Variants in EYS observed in about 807,000 individuals in gnomAD.
EYS encodes protein eyes shut homolog.
EYS carries 250 observed loss-of-function variants against 282.1 expected under a neutral mutation model. That is an observed-to-expected ratio of 0.89 (90% CI 0.80 to 0.98). EYS has a LOEUF of 0.98. EYS is among the 50% of genes least tolerant of loss of function. EYS has a pLI of 0.00. For synonymous variants in EYS, 1,355 were observed against 1,282.9 expected (o/e 1.06, Z -1.20); for missense variants, 4,016 against 3,709.0 (o/e 1.08, Z -2.15).
At chr6:64,007,004 A>C (rs1768381713) in intron 33 of EYS, among the ~76,000 whole-genome samples, 1 of 152,090 alleles carries the variant, frequency 6.6e-6, no homozygotes, top group Admixed American at 6.5e-5. Context: ...GATGATGCTT[A>C]ACTCATAGAA....
At chr6:65,013,501 G>C (rs190891263) in intron 13 of EYS, among the ~76,000 whole-genome samples, 64 of 152,148 alleles carry the variant, frequency 4.2e-4, no homozygotes, top group Non-Finnish European at 7.4e-4. Flanking sequence ...TTGCTAAAGA[G>C]TCATTATGTA....
chr6:65,271,128 T>TTATATATATATATA (rs70999188), intron 12 of EYS, among the ~76,000 whole-genome samples: 4,150 of 55,602 alleles, frequency 0.075, 548 homozygotes, highest in South Asian at 0.13. Context: ...AATCAATAGA[T>TTATATATATATATA]TATATATATA....
intron 26 of EYS, among the ~76,000 whole-genome samples, chr6:64,444,382 CACA>C (rs1775052878): frequency 2.0e-5 from 3 of 152,014 alleles, no homozygotes; most frequent in African/African-American, 4.8e-5. Flanking sequence ...TACCATTTTT[CACA>C]ACATTTCGAA....
chr6:65,045,239 C>CAAT (rs1773067893), intron 13 of EYS, among the ~76,000 whole-genome samples: 1 of 151,818 alleles, frequency 6.6e-6, no homozygotes, highest in Non-Finnish European at 1.5e-5. Flanking sequence ...ACACTCTGAT[C>CAAT]TTTGACAAAA....
At chr6:64,946,684 G>C (rs1769296443) in intron 14 of EYS, among the ~76,000 whole-genome samples, 1 of 151,842 alleles carries the variant, frequency 6.6e-6, no homozygotes. Context: ...CAATACAGTA[G>C]CCACATGTGG....
At chr6:63,877,846 T>G (rs1773018819) in intron 35 of EYS, among the ~76,000 whole-genome samples, 1 of 152,220 alleles carries the variant, frequency 6.6e-6, no homozygotes, top group Non-Finnish European at 1.5e-5. Flanking sequence ...TTCTCTACAC[T>G]GTTTATTCTA....
chr6:64,642,388 T>A (rs1384977272), intron 22 of EYS, among the ~76,000 whole-genome samples: 1 of 152,208 alleles, frequency 6.6e-6, no homozygotes, highest in African/African-American at 2.4e-5. Context: ...TGTGCCATTA[T>A]ATATTATGCT....
chr6:65,387,609 A>G (rs1487598910), intron 7 of EYS, among the ~76,000 whole-genome samples: 2 of 151,958 alleles, frequency 1.3e-5, no homozygotes, highest in Non-Finnish European at 2.9e-5. Flanking sequence ...AATTGGAAGT[A>G]TACTTTTGCT....
At chr6:63,952,280 T>C (rs1003941118) in intron 35 of EYS, among the ~76,000 whole-genome samples, 3 of 152,192 alleles carry the variant, frequency 2.0e-5, no homozygotes, top group Admixed American at 6.5e-5. Flanking sequence ...AATCGGACTA[T>C]CCAACTCACC....
chr6:65,045,520 T>C (rs1286159830), intron 13 of EYS, among the ~76,000 whole-genome samples: 1 of 151,824 alleles, frequency 6.6e-6, no homozygotes, highest in Non-Finnish European at 1.5e-5. Flanking sequence ...TATAAGAAAT[T>C]CGAGTCCTTA....
intron 6 of EYS, among the ~76,000 whole-genome samples, chr6:65,404,361 T>C (rs1036683813): frequency 1.3e-5 from 2 of 152,108 alleles, no homozygotes; most frequent in African/African-American, 4.8e-5. Context: ...ACATAACACA[T>C]GCACATATTC....
At chr6:64,633,697 A>G (rs1752103404) in intron 22 of EYS, among the ~76,000 whole-genome samples, 1 of 151,108 alleles carries the variant, frequency 6.6e-6, no homozygotes, top group Non-Finnish European at 1.5e-5. Context: ...GCTTCCTCCT[A>G]CTCTGTTTGG....
At chr6:64,356,736 T>A (rs569639908) in intron 29 of EYS, among the ~76,000 whole-genome samples, 15 of 151,770 alleles carry the variant, frequency 9.9e-5, no homozygotes, top group Non-Finnish European at 1.9e-4. Context: ...ACACACAGTT[T>A]CGAAGAAATA....
chr6:65,067,635 G>C (rs367908148), intron 12 of EYS, among the ~76,000 whole-genome samples: 1 of 151,998 alleles, frequency 6.6e-6, no homozygotes, highest in Non-Finnish European at 1.5e-5. Context: ...TTAACTACTA[G>C]GAGGAGTAAA....
At chr6:63,741,465 T>C (rs900465770) in intron 41 of EYS, among the ~76,000 whole-genome samples, 2 of 152,210 alleles carry the variant, frequency 1.3e-5, no homozygotes, top group African/African-American at 4.8e-5. Context: ...ATAAATGATA[T>C]GGAATATCAA....
At chr6:64,969,260 C>G (rs1770208312) in intron 14 of EYS, among the ~76,000 whole-genome samples, 1 of 152,090 alleles carries the variant, frequency 6.6e-6, no homozygotes, top group African/African-American at 2.4e-5. Flanking sequence ...GTGAATGGCC[C>G]ATAGCATGCT....
intron 12 of EYS, among the ~76,000 whole-genome samples, chr6:65,184,412 C>T (rs1355055092): frequency 6.6e-6 from 1 of 151,808 alleles, no homozygotes; most frequent in African/African-American, 2.4e-5. Context: ...GCCAGGACCT[C>T]ATGACTAGCC....
intron 15 of EYS, among the ~76,000 whole-genome samples, chr6:64,924,136 ATCT>A (rs1450854385): frequency 2.0e-5 from 3 of 152,198 alleles, no homozygotes; most frequent in Non-Finnish European, 4.4e-5. Context: ...GATTCCATAC[ATCT>A]TCTGAAATCT....
In EYS at chr6:65,538,709, T is replaced by C. The variant is rs555645205; in HGVS notation, c.-332-42716A>G. 1.3e-5 allele frequency among the ~76,000 whole-genome samples: 2 copies of C among 152,294 alleles called. 1 individual carries two copies. Among genetic ancestry groups the C allele is most frequent in the South Asian group, 4.1e-4 (2 of 4,832 alleles). On this transcript the variant is annotated intron_variant, in intron 2 of 42. Transcript: ENST00000503581. ...CTAAAATATAGTCGCAACAATTCTT[T>C]CAAAGTTTAAGGAGACTTTTTTGTT... is the stretch of plus-strand genomic sequence containing the variant.
Sources: allele counts gnomAD v4.1 joint callset (sites outside exome capture counted in the v4.1 genomes callset), GRCh38; gene constraint gnomAD v4.1.1; transcripts MANE v1.5; gene names NCBI Gene and HGNC (gene_info 2026-07-23, HGNC 2026-07-21).